The following EDARADD variants were observed in gnomAD, a reference collection of about 807,000 sequenced individuals.
The protein encoded by EDARADD is EDAR associated via death domain, also known as ectodysplasin-A receptor-associated adapter protein.
In EDARADD, 20 loss-of-function variants were observed where a neutral mutation model predicts 25.6. The observed-to-expected ratio is 0.78, with a 90% CI of 0.55 to 1.14. The LOEUF is 1.14. Among genes scored for constraint, EDARADD ranks in the 50% most tolerant of loss-of-function variants. The pLI is 0.00. For missense variants in EDARADD, 225 were observed against 270.1 expected (o/e 0.83, Z 1.17); for synonymous variants, 86 against 94.4 (o/e 0.91, Z 0.52).
intron 3 of EDARADD, among the ~76,000 whole-genome samples, chr1:236,380,506 G>A (rs1558105102): frequency 6.6e-6 from 1 of 152,136 alleles, no homozygotes; most frequent in African/African-American, 2.4e-5. Context: ...ATTTTGCTAA[G>A]CAGGTGCCTT....
intron 4 of EDARADD, among the ~76,000 whole-genome samples, chr1:236,430,770 A>T (rs896891987): frequency 3.9e-5 from 6 of 152,354 alleles, no homozygotes; most frequent in Admixed American, 3.9e-4. Context: ...CACCAGGGAG[A>T]AACGTTTAAA....
chr1:236,419,906 G>A (rs1011324163), intron 3 of EDARADD, among the ~76,000 whole-genome samples: 6 of 152,180 alleles, frequency 3.9e-5, no homozygotes, highest in Non-Finnish European at 5.9e-5. Context: ...ATGCATGGAC[G>A]GTGACTCGCG....
intron 1 of EDARADD, among the ~76,000 whole-genome samples, chr1:236,397,481 A>G (rs1269811334): frequency 6.6e-6 from 1 of 152,176 alleles, no homozygotes; most frequent in Non-Finnish European, 1.5e-5. Context: ...AGCCCAGCCA[A>G]AATGGATGTG....
chr1:236,407,373 C>T (rs567479137), intron 1 of EDARADD, among the ~76,000 whole-genome samples: 25 of 152,318 alleles, frequency 1.6e-4, no homozygotes, highest in African/African-American at 6.0e-4. Flanking sequence ...CTCCATTCGT[C>T]CCCATTTCTC....
At chr1:236,424,111 AT>A (rs1218747955) in intron 3 of EDARADD, among the ~76,000 whole-genome samples, 2 of 151,798 alleles carry the variant, frequency 1.3e-5, no homozygotes, top group African/African-American at 4.8e-5. Flanking sequence ...GTCTCAAAAA[AT>A]AAATAAATAA....
rs968101064 is a variant in EDARADD at position 236,414,274 on chromosome 1, C to T, written c.135C>T (p.Pro45=). Residue 45 remains proline, a synonymous_variant, in exon 3 of 6, where the codon CCC becomes CCT. Transcript: ENST00000334232. ...TLSFNMSDKY[P]IQDTELPKAE... is the part of the protein sequence containing the mutation. ...GGTTTCTACAGTCAGACAAATATCCCATTCAAGATACGGAACTCCCTAAAG... is the reference window on the plus strand; with the variant it reads ...GGTTTCTACAGTCAGACAAATATCCTATTCAAGATACGGAACTCCCTAAAG... 25 of 1,610,526 alleles carry T rather than the reference C, an allele frequency of 1.6e-5. No individual in the cohort carries two copies. Among genetic ancestry groups the T allele is most frequent in the Non-Finnish European group, 2.0e-5 (24 of 1,176,892 alleles).
intron 1 of EDARADD, among the ~76,000 whole-genome samples, chr1:236,399,754 G>A (rs1209254154): frequency 1.3e-5 from 2 of 152,232 alleles, no homozygotes; most frequent in African/African-American, 4.8e-5. Flanking sequence ...GTCAAAGGTG[G>A]CACAATTCCT....
intron 3 of EDARADD, among the ~76,000 whole-genome samples, chr1:236,369,634 G>A (rs926055289): frequency 2.0e-5 from 3 of 152,118 alleles, no homozygotes; most frequent in African/African-American, 7.2e-5. Flanking sequence ...CTGAGGTCAG[G>A]AGTTCGAGAC....
At chr1:236,372,158 A>G (rs6700066) in intron 3 of EDARADD, among the ~76,000 whole-genome samples, 33,726 of 145,628 alleles carry the variant, frequency 0.23, 5,019 homozygotes, top group East Asian at 0.45. Context: ...GTCTCACCAT[A>G]TTGGCCAGGC....
chr1:236,480,828 C>A (rs1385457091), intron 5 of EDARADD, among the ~76,000 whole-genome samples: 1 of 152,218 alleles, frequency 6.6e-6, no homozygotes, highest in Non-Finnish European at 1.5e-5. Flanking sequence ...TACAAATATA[C>A]CTCCTGCTAA....
At chr1:236,382,482 T>C (rs1667312628) in intron 3 of EDARADD, among the ~76,000 whole-genome samples, 1 of 152,258 alleles carries the variant, frequency 6.6e-6, no homozygotes, top group African/African-American at 2.4e-5. Flanking sequence ...TTTCTCCTTA[T>C]TGTAAGCTAT....
chr1:236,428,171 A>T (rs1293654576), intron 4 of EDARADD, among the ~76,000 whole-genome samples: 1 of 151,766 alleles, frequency 6.6e-6, no homozygotes, highest in African/African-American at 2.4e-5. Flanking sequence ...AGTGGTGATG[A>T]CTCTTAAGGA....
chr1:236,361,304 A>G (rs1411147712), intron 3 of EDARADD, among the ~76,000 whole-genome samples: 1 of 134,414 alleles, frequency 7.4e-6, no homozygotes, highest in Non-Finnish European at 1.6e-5. Context: ...TTTATATTTT[A>G]TCTTATTTTA....
intron 1 of EDARADD, among the ~76,000 whole-genome samples, chr1:236,400,409 CG>C (rs1164915933): frequency 6.6e-6 from 1 of 152,076 alleles, no homozygotes; most frequent in Non-Finnish European, 1.5e-5. Context: ...GCCCCTGCTG[CG>C]GGGTCTGAGG....
At chr1:236,399,519 T>C (rs774953612) in intron 1 of EDARADD, among the ~76,000 whole-genome samples, 12 of 152,188 alleles carry the variant, frequency 7.9e-5, no homozygotes, top group Non-Finnish European at 1.8e-4. Flanking sequence ...TTTAAGTGAC[T>C]TTTTACATTG....
intron 4 of EDARADD, among the ~76,000 whole-genome samples, chr1:236,435,678 T>C (rs143915695): frequency 6.1e-4 from 93 of 152,320 alleles, no homozygotes; most frequent in African/African-American, 2.2e-3. Context: ...AAAATGTTAT[T>C]TGAAGATATT....
At position 236,395,937 on chromosome 1, in the gene EDARADD, C is replaced by T. The variant is rs914882821; in HGVS notation, c.61+1432C>T. Among the ~76,000 whole-genome samples the T allele has an allele frequency of 2.6e-5, 4 of 152,234 alleles. No individual in the cohort carries two copies. Among genetic ancestry groups the T allele is most frequent in the Non-Finnish European group, 5.9e-5 (4 of 68,042 alleles). On this transcript the variant is annotated intron_variant, in intron 1 of 5. Transcript: ENST00000334232. This position sits in a 1 kb window ranked among gnomAD's most constrained non-coding sequence, Gnocchi z 6.9. ...TTCCCCCTGCCCATGCCGCAGCCCC[C>T]GTGGCTTTTGTTCTGGACTCGGGAT...
At chr1:236,396,973 G>A in intron 1 of EDARADD, among the ~76,000 whole-genome samples, 1 of 114,174 alleles carries the variant, frequency 8.8e-6, no homozygotes, top group South Asian at 3.5e-4. Flanking sequence ...GATTGCAGGG[G>A]TGGGGGGTGG....
chr1:236,424,325 C>A (rs1657856090), intron 3 of EDARADD, among the ~76,000 whole-genome samples: 1 of 151,758 alleles, frequency 6.6e-6, no homozygotes, highest in Admixed American at 6.6e-5. Flanking sequence ...CCATGCCCAG[C>A]TAATTTTTAA....
Sources: gnomAD v4.1 joint callset for allele counts (sites outside exome capture counted in the v4.1 genomes callset) on GRCh38, gnomAD v4.1.1 for gene constraint, Gnocchi (gnomAD v3.1) non-coding constraint, MANE v1.5 for transcripts, NCBI Gene and HGNC (gene_info 2026-07-23, HGNC 2026-07-21) for gene names.